The following RORA variants were observed in gnomAD, a reference collection of about 807,000 sequenced individuals.
RORA encodes nuclear receptor ROR-alpha.
A neutral mutation model predicts 69.5 loss-of-function variants in RORA; 7 were observed. That is an observed-to-expected ratio of 0.10 (90% CI 0.06 to 0.19). The LOEUF (loss-of-function observed/expected upper bound fraction) is 0.19. Among genes scored for constraint, RORA ranks in the 10% least tolerant of loss-of-function variants. The pLI is 1.00. For synonymous variants in RORA, 261 were observed against 240.8 expected (o/e 1.08, Z -0.78); for missense variants, 457 against 663.0 (o/e 0.69, Z 3.41).
intron 2 of RORA, among the ~76,000 whole-genome samples, chr15:60,550,021 G>A (rs1161392284): frequency 6.6e-6 from 1 of 152,062 alleles, no homozygotes; most frequent in East Asian, 1.9e-4. Context: ...GGCCGGGCGC[G>A]GTGGCTCACG....
chr15:60,521,980 A>G (rs1359054258), intron 3 of RORA, among the ~76,000 whole-genome samples: 1 of 152,158 alleles, frequency 6.6e-6, no homozygotes, highest in Non-Finnish European at 1.5e-5. Context: ...AAAAAAAATG[A>G]CTGTATACTA....
At position 60,492,249 on chromosome 15, in the gene RORA, T is replaced by C. The variant is rs2065054670; in HGVS notation, c.*5206A>G. The C allele has an allele frequency of 6.6e-6, 1 of 152,194 alleles. No individual in the cohort carries two copies. Among genetic ancestry groups the C allele is most frequent in the South Asian group, 2.1e-4 (1 of 4,828 alleles). The allele number at this position is 152,194 out of a possible 1,614,324, so 9.4% of individuals were successfully genotyped here. Reference sequence around the variant, plus strand: ...GGAAGAATCAGAGCCAACAATTACATTGAACTTCTCTGACTTTATGGAAAG... The same window carrying C: ...GGAAGAATCAGAGCCAACAATTACACTGAACTTCTCTGACTTTATGGAAAG... On this transcript the variant is annotated 3_prime_UTR_variant, in exon 11 of 11. Transcript: ENST00000335670.
chr15:61,163,752 A>G (rs568059006), intron 1 of RORA, among the ~76,000 whole-genome samples: 2 of 152,160 alleles, frequency 1.3e-5, no homozygotes, highest in Non-Finnish European at 2.9e-5. Flanking sequence ...TCTCATCTCA[A>G]AACCATCACA....
At chr15:60,963,519 G>A (rs530239500) in intron 1 of RORA, among the ~76,000 whole-genome samples, 1 of 152,318 alleles carries the variant, frequency 6.6e-6, no homozygotes, top group Admixed American at 6.5e-5. Flanking sequence ...AAAGGATGCT[G>A]GCATTATCTA....
intron 1 of RORA, among the ~76,000 whole-genome samples, chr15:60,777,221 C>T (rs992067875): frequency 4.6e-5 from 7 of 152,090 alleles, no homozygotes; most frequent in African/African-American, 1.7e-4. Flanking sequence ...AAGTATATTC[C>T]AATTAGTTAA....
At chr15:60,675,568 A>T (rs1567151260) in intron 2 of RORA, among the ~76,000 whole-genome samples, 1 of 152,126 alleles carries the variant, frequency 6.6e-6, no homozygotes, top group Non-Finnish European at 1.5e-5. Context: ...CAGAAAACAA[A>T]CACTTAAGGT....
At chr15:60,738,889 T>G (rs995597678) in intron 1 of RORA, among the ~76,000 whole-genome samples, 1 of 152,208 alleles carries the variant, frequency 6.6e-6, no homozygotes, top group African/African-American at 2.4e-5. Flanking sequence ...AAGTCCTCTG[T>G]CTTGTGGCAA....
intron 1 of RORA, among the ~76,000 whole-genome samples, chr15:60,915,828 T>C (rs1440478348): frequency 6.6e-6 from 1 of 152,154 alleles, no homozygotes; most frequent in African/African-American, 2.4e-5. Context: ...ATTTACACTC[T>C]TCAAGTCTCA....
At chr15:60,881,634 CAGAG>C (rs2073681710) in intron 1 of RORA, among the ~76,000 whole-genome samples, 1 of 148,828 alleles carries the variant, frequency 6.7e-6, no homozygotes, top group East Asian at 2.0e-4. Flanking sequence ...GAGAGAGAGA[CAGAG>C]AGAAAAGAGA....
chr15:61,030,160 T>G (rs145025746), intron 1 of RORA, among the ~76,000 whole-genome samples: 55 of 152,280 alleles, frequency 3.6e-4, no homozygotes, highest in African/African-American at 1.3e-3. Flanking sequence ...GTGTTCACAT[T>G]AAAGGAAACT....
intron 1 of RORA, among the ~76,000 whole-genome samples, chr15:60,763,297 A>G (rs2071927324): frequency 1.3e-5 from 2 of 152,004 alleles, no homozygotes; most frequent in African/African-American, 4.8e-5. Context: ...AACAAATATG[A>G]TTTAGATGTT....
intron 1 of RORA, among the ~76,000 whole-genome samples, chr15:60,794,273 T>C (rs1350501502): frequency 6.6e-6 from 1 of 152,256 alleles, no homozygotes; most frequent in African/African-American, 2.4e-5. Context: ...AGAGAAAGGC[T>C]GAATAATCTG....
At chr15:60,565,575 T>C (rs985229730) in intron 2 of RORA, among the ~76,000 whole-genome samples, 1 of 152,232 alleles carries the variant, frequency 6.6e-6, no homozygotes, top group Non-Finnish European at 1.5e-5. Flanking sequence ...ATCTGTTTCA[T>C]GTTAAAATTA....
chr15:61,179,498 A>AAATTTTT (rs1166674644), intron 1 of RORA, among the ~76,000 whole-genome samples: 6 of 152,226 alleles, frequency 3.9e-5, no homozygotes, highest in Non-Finnish European at 7.3e-5. Flanking sequence ...TAATATTTTA[A>AAATTTTT]AACACATGTA....
At chr15:61,198,896 G>A (rs1379427954) in intron 1 of RORA, among the ~76,000 whole-genome samples, 2 of 152,124 alleles carry the variant, frequency 1.3e-5, no homozygotes, top group Non-Finnish European at 2.9e-5. Context: ...CCCGCCAGCA[G>A]CCCTGTCCAT....
intron 3 of RORA, among the ~76,000 whole-genome samples, chr15:60,516,209 T>A (rs367630329): frequency 0.04 from 758 of 19,040 alleles, 19 homozygotes; most frequent in Non-Finnish European, 0.054. Flanking sequence ...ATATATATAT[T>A]TATATATATA....
At chr15:60,589,188 C>G (rs985361204) in intron 2 of RORA, among the ~76,000 whole-genome samples, 3 of 152,168 alleles carry the variant, frequency 2.0e-5, no homozygotes, top group Non-Finnish European at 4.4e-5. Flanking sequence ...GATCAGAGAT[C>G]GAATTCTAAT....
At chr15:61,186,436 T>C (rs904304123) in intron 1 of RORA, among the ~76,000 whole-genome samples, 3 of 151,460 alleles carry the variant, frequency 2.0e-5, no homozygotes, top group Non-Finnish European at 4.4e-5. Flanking sequence ...AGGTCAGGAG[T>C]TCGAGACCAG....
chr15:60,625,734 T>C (rs1567131157), intron 2 of RORA, among the ~76,000 whole-genome samples: 1 of 152,238 alleles, frequency 6.6e-6, no homozygotes, highest in South Asian at 2.1e-4. Context: ...TATTTGAATA[T>C]GTATGTTTGA....
Sources: gnomAD v4.1 joint callset for allele counts (sites outside exome capture counted in the v4.1 genomes callset) on GRCh38, gnomAD v4.1.1 for gene constraint, MANE v1.5 for transcripts, NCBI Gene and HGNC (gene_info 2026-07-23, HGNC 2026-07-21) for gene names.